METTL14: variants seen among roughly 807,000 people sequenced by gnomAD.
The protein encoded by METTL14 is N(6)-adenosine-methyltransferase non-catalytic subunit METTL14.
A neutral mutation model predicts 62.4 loss-of-function variants in METTL14; 32 were observed. That is an observed-to-expected ratio of 0.51 (90% CI 0.39 to 0.69). The LOEUF is 0.69. Among genes scored for constraint, METTL14 ranks in the 30% least tolerant of loss-of-function variants. The pLI is 0.00. For synonymous variants in METTL14, 150 were observed against 180.0 expected, an observed-to-expected ratio of 0.83 and a Z score of 1.34; for missense variants, 340 against 551.9, an observed-to-expected ratio of 0.62 and a Z score of 3.85.
chr4:118,699,521 A>G (rs1302532456), intron 7 of METTL14, among the ~76,000 whole-genome samples: 2 of 152,182 alleles, frequency 1.3e-5, no homozygotes. Context: ...AGTTAGCCAT[A>G]TCCTCATTAA....
chr4:118,688,684 AT>A (rs1406839008), intron 2 of METTL14, among the ~76,000 whole-genome samples: 1 of 152,052 alleles, frequency 6.6e-6, no homozygotes, highest in Non-Finnish European at 1.5e-5. Context: ...ATATTTAAAC[AT>A]TTTTTTGGAA....
intron 2 of METTL14, among the ~76,000 whole-genome samples, 198 bp downstream of exon 2, chr4:118,688,209 A>G (rs1724135738): frequency 6.6e-6 from 1 of 151,826 alleles, no homozygotes; most frequent in Non-Finnish European, 1.5e-5. Flanking sequence ...CAGGTGGATC[A>G]CTTGAGCCCA....
intron 2 of METTL14, among the ~76,000 whole-genome samples, chr4:118,688,765 C>T (rs1317202167): frequency 6.6e-6 from 1 of 152,128 alleles, no homozygotes; most frequent in Admixed American, 6.5e-5. Flanking sequence ...CCTCCGCCTC[C>T]AGGGTTGAAG....
chr4:118,713,684 CCT>C lies in METTL14; in HGVS notation c.*3387_*3388del, dbSNP rs1332144906. The C allele has an allele frequency of 6.6e-6, 1 of 152,106 alleles. No homozygotes were observed. Among genetic ancestry groups the C allele is most frequent in the African/African-American group, 2.4e-5 (1 of 41,408 alleles). 9.4% of individuals were successfully genotyped at this position (152,106 alleles called of 1,614,324 possible). A position where few individuals can be genotyped will look rare whatever the true frequency, so the allele number is the denominator to read the frequency against. ...AGGGTTCATGTGTGACTAGCATTATCCTCTCTTTGATGTTGGGTAATAGAGGC... is the reference window on the plus strand; with the variant it reads ...AGGGTTCATGTGTGACTAGCATTATCCTCTTTGATGTTGGGTAATAGAGGC... On this transcript the variant is annotated 3_prime_UTR_variant, in exon 11 of 11. Coordinates refer to ENST00000388822, the MANE Select transcript of METTL14 (RefSeq NM_020961.4).
chr4:118,708,067 C>T lies in METTL14; in HGVS notation c.1067-1931C>T, dbSNP rs562901534. ...TCTCGAACTCCTGACCCCAAGTGAT[C>T]GCCCGCCTTGGCCTCCAAATTGCTG... On this transcript the variant is annotated intron_variant, in intron 10 of 10. Transcript: ENST00000388822. 5.3e-5 allele frequency among the ~76,000 whole-genome samples: 8 copies of T among 152,218 alleles called. No homozygotes were observed. The East Asian group carries it at 1.2e-3, about 22-fold the overall frequency.
intron 3 of METTL14, among the ~76,000 whole-genome samples, chr4:118,690,135 G>A (rs996084200): frequency 2.8e-5 from 4 of 140,736 alleles, no homozygotes; most frequent in African/African-American, 1.0e-4. Flanking sequence ...CCGCCTCCTG[G>A]TTTCAAGCTA....
chr4:118,701,006 A>C (rs888922810), intron 8 of METTL14, among the ~76,000 whole-genome samples: 1 of 152,122 alleles, frequency 6.6e-6, no homozygotes, highest in African/African-American at 2.4e-5. Flanking sequence ...AGTATTCAGG[A>C]GCATTGGCTC....
At chr4:118,690,621 A>G (rs138750547) in intron 3 of METTL14, among the ~76,000 whole-genome samples, 4,674 of 151,072 alleles carry the variant, frequency 0.031, 114 homozygotes, top group Non-Finnish European at 0.048. Context: ...CAGAGGTTGC[A>G]GTGAGCTGAG....
chr4:118,713,062 G>A lies in METTL14; in HGVS notation c.*2760G>A, dbSNP rs976776093. 2 of 152,182 alleles carry A rather than the reference G, an allele frequency of 1.3e-5. No individual in the cohort carries two copies. Among genetic ancestry groups the A allele is most frequent in the Non-Finnish European group, 2.9e-5 (2 of 68,066 alleles). 9.4% of individuals were successfully genotyped at this position (152,182 alleles called of 1,614,324 possible). ...GTCATCATGAAACAGCACAGTGTGA[G>A]AGGTCAAGGTGTCAACCTGGGAAGT... On this transcript the variant is annotated 3_prime_UTR_variant, in exon 11 of 11. Transcript: ENST00000388822.
Position 118,710,531 on chromosome 4 carries a change from G to T in METTL14, c.*229G>T. 2.3e-6 allele frequency: 1 copy of T among 436,076 alleles called. No individual in the cohort carries two copies. The highest frequency in any genetic ancestry group is 4.1e-5 in the South Asian group (1 of 24,156). The allele number at this position is 436,076 out of a possible 1,614,324, so 27.0% of individuals were successfully genotyped here. ...CTTTTGTTATGTGCGTGAACAGAATGGAACAACTCAAGTAGCTTCATCTTC... is the reference window on the plus strand; with the variant it reads ...CTTTTGTTATGTGCGTGAACAGAATTGAACAACTCAAGTAGCTTCATCTTC... On this transcript the variant is annotated 3_prime_UTR_variant, in exon 11 of 11. Coordinates refer to ENST00000388822, the MANE Select transcript of METTL14 (RefSeq NM_020961.4).
At chr4:118,694,387 A>C in intron 5 of METTL14, 49 bp from the exon 6 acceptor site, 1 of 1,462,192 alleles carries the variant, frequency 6.8e-7, no homozygotes, top group Non-Finnish European at 9.4e-7. Flanking sequence ...AATTACTGAT[A>C]TTAACTTCAG....
At position 118,685,555 on chromosome 4, in the gene METTL14, G is replaced by T; in HGVS notation, c.21G>T (p.Glu7Asp). Residue 7 changes from glutamate (E) to aspartate (D), a missense_variant, in exon 1 of 11, where the codon GAG becomes GAT. Glu to Asp is a conservative substitution (Grantham distance 45). Around this residue, in one of 7 missense-constraint regions of METTL14, gnomAD observed 111 missense variants for 116.6 expected, o/e 0.95. Coordinates refer to ENST00000388822, the MANE Select transcript of METTL14 (RefSeq NM_020961.4). ...GGAACATGGATAGCCGCTTGCAGGA[G>T]ATCCGGGAGCGGCAGAAGTTACGGC... MDSRLQ[E>D]IRERQKLRRQ... 1 of 1,614,172 alleles carries T rather than the reference G, an allele frequency of 6.2e-7. No individual in the cohort carries two copies.
chr4:118,706,628 A>G (rs1724762776), intron 10 of METTL14, among the ~76,000 whole-genome samples: 1 of 152,194 alleles, frequency 6.6e-6, no homozygotes. Context: ...TTGTATGGTA[A>G]GAATGTTTAA....
At chr4:118,696,955 C>T (rs554435125) in intron 6 of METTL14, among the ~76,000 whole-genome samples, 1 of 151,878 alleles carries the variant, frequency 6.6e-6, no homozygotes, top group Admixed American at 6.6e-5. Flanking sequence ...ACGTTCATGT[C>T]TTAAGAAAGA....
chr4:118,703,664 T>C lies in METTL14; in HGVS notation c.739-271T>C, dbSNP rs1225355614. On this transcript the variant is annotated intron_variant, in intron 8 of 10. Coordinates refer to ENST00000388822, the MANE Select transcript of METTL14 (RefSeq NM_020961.4). The stretch of plus-strand genomic sequence containing the variant: ...CCATTGATGACAATAGAATGTAGAA[T>C]TGGGAGATGATGTAATCCTTTCTAT... 3.9e-5 allele frequency among the ~76,000 whole-genome samples: 6 copies of C among 152,194 alleles called. No individual in the cohort carries two copies. The South Asian group carries it at 1.0e-3, about 26-fold the overall frequency.
intron 3 of METTL14, among the ~76,000 whole-genome samples, chr4:118,690,539 G>T (rs569322050): frequency 1.3e-5 from 2 of 151,974 alleles, no homozygotes; most frequent in Admixed American, 6.6e-5. Context: ...AATTAGCTGG[G>T]CATGGTGGCA....
In METTL14 at chr4:118,711,226, C is replaced by T. The variant is rs2110413077; in HGVS notation, c.*924C>T. On this transcript the variant is annotated 3_prime_UTR_variant, in exon 11 of 11. Transcript: ENST00000388822. ...AAAACCAACTACGGAAAACCCTCAA[C>T]TTAAGGATACAGCTTGGAAATTGGA... is the stretch of plus-strand genomic sequence containing the variant. The T allele has an allele frequency of 6.6e-6, 1 of 152,286 alleles. No homozygotes were observed. Among genetic ancestry groups the T allele is most frequent in the South Asian group, 2.1e-4 (1 of 4,828 alleles). The allele number at this position is 152,286 out of a possible 1,614,324, so 9.4% of individuals were successfully genotyped here.
intron 5 of METTL14, among the ~76,000 whole-genome samples, chr4:118,692,605 T>G (rs752002403): frequency 1.3e-5 from 2 of 152,228 alleles, no homozygotes; most frequent in Non-Finnish European, 2.9e-5. Flanking sequence ...TATTACTATT[T>G]TTTTGTTTGT....
At position 118,705,638 on chromosome 4, in the gene METTL14, A is replaced by G; in HGVS notation, c.883A>G (p.Thr295Ala). ...KEHCLMGIKG[T>A]VKRSTDGDFI... ...ACACTGCCTCATGGGGATCAAAGGA[A>G]CTGTGAAGCGTAGCACAGACGGGGA... The change falls in exon 10 of 11, where the codon ACT becomes GCT. Residue 295 changes from threonine (T) to alanine (A), a missense_variant. Around this residue, in one of 7 missense-constraint regions of METTL14, gnomAD observed 58 missense variants for 147.5 expected, o/e 0.39. Transcript: ENST00000388822. 1.9e-6 allele frequency: 3 copies of G among 1,614,156 alleles called. No individual in the cohort carries two copies. Among genetic ancestry groups the G allele is most frequent in the Non-Finnish European group, 1.7e-6 (2 of 1,180,004 alleles).
Sources: gnomAD v4.1 joint callset for allele counts (sites outside exome capture counted in the v4.1 genomes callset) on GRCh38, gnomAD v4.1.1 for gene constraint, gnomAD v4.1.1 regional missense constraint, MANE v1.5 for transcripts, NCBI Gene and HGNC (gene_info 2026-07-23, HGNC 2026-07-21) for gene names.